Variants in CACNB2 observed in about 807,000 individuals in gnomAD.
CACNB2 encodes the protein calcium voltage-gated channel auxiliary subunit beta 2, also known as voltage-dependent L-type calcium channel subunit beta-2.
CACNB2 carries 42 observed loss-of-function variants against 73.3 expected under a neutral mutation model. That is an observed-to-expected ratio of 0.57 (90% CI 0.45 to 0.74). CACNB2 has a LOEUF of 0.74. CACNB2 is among the 30% of genes least tolerant of loss of function. The probability of loss-of-function intolerance (pLI) is 0.00; values close to 1 mark genes in which losing one functional copy is unlikely to be tolerated. For synonymous variants in CACNB2, 348 were observed against 310.3 expected, an observed-to-expected ratio of 1.12 and a Z score of -1.28; for missense variants, 940 against 853.0, an observed-to-expected ratio of 1.10 and a Z score of -1.27.
chr10:18,518,800 C>G (rs2051534066), intron 8 of CACNB2, 110 bp from the exon 9 acceptor site: 1 of 989,148 alleles, frequency 1.0e-6, no homozygotes, highest in Non-Finnish European at 1.6e-6. Flanking sequence ...GCCACTCTTT[C>G]CAGATGCAAA....
At chr10:18,310,039 G>A (rs935953268) in intron 2 of CACNB2, among the ~76,000 whole-genome samples, 4 of 152,124 alleles carry the variant, frequency 2.6e-5, no homozygotes, top group Admixed American at 6.6e-5. Flanking sequence ...TGGCAGTGCT[G>A]CTGTTTCTAA....
intron 2 of CACNB2, among the ~76,000 whole-genome samples, chr10:18,243,934 G>C (rs2036762603): frequency 6.6e-6 from 1 of 152,156 alleles, no homozygotes; most frequent in Non-Finnish European, 1.5e-5. Context: ...CGAGAGCTTT[G>C]GTATCTGAGA....
At chr10:18,477,805 A>G (rs969384006) in intron 3 of CACNB2, among the ~76,000 whole-genome samples, 2 of 152,246 alleles carry the variant, frequency 1.3e-5, no homozygotes, top group Non-Finnish European at 2.9e-5. Flanking sequence ...ATGGACACAG[A>G]GTAGGAAGTA....
intron 2 of CACNB2, among the ~76,000 whole-genome samples, chr10:18,231,095 T>C (rs573715550): frequency 1.3e-5 from 2 of 152,346 alleles, no homozygotes; most frequent in East Asian, 3.9e-4. Flanking sequence ...ATGGTCCACA[T>C]GCAAACTAAA....
At chr10:18,220,772 G>A (rs1036779600) in intron 2 of CACNB2, among the ~76,000 whole-genome samples, 22 of 152,100 alleles carry the variant, frequency 1.4e-4, no homozygotes, top group African/African-American at 5.1e-4. Context: ...TGAACTGCAC[G>A]TGTCAGGGAT....
intron 3 of CACNB2, among the ~76,000 whole-genome samples, chr10:18,491,880 A>G (rs1264074085): frequency 1.3e-5 from 2 of 151,742 alleles, no homozygotes; most frequent in Non-Finnish European, 2.9e-5. Flanking sequence ...AAAGAAAATC[A>G]GAATGAAAGA....
intron 7 of CACNB2, among the ~76,000 whole-genome samples, chr10:18,515,406 G>A (rs1027699091): frequency 2.6e-5 from 4 of 152,084 alleles, no homozygotes; most frequent in Admixed American, 1.3e-4. Context: ...GCCAAGTCTG[G>A]CAAAACCATG....
At chr10:18,140,969 C>T in intron 1 of CACNB2, 113 bp downstream of exon 1, 1 of 1,518,646 alleles carries the variant, frequency 6.6e-7, no homozygotes, top group Non-Finnish European at 8.8e-7. Flanking sequence ...ACCTCCTCCC[C>T]TCGTCGCCTG....
At position 18,539,398 on chromosome 10, in the gene CACNB2, G is replaced by C. The variant is rs746408298; in HGVS notation, c.1657G>C (p.Glu553Gln). Residue 553 changes from glutamate (E) to glutamine (Q), a missense_variant, in exon 14 of 14, where the codon GAG (glutamate) becomes CAG (glutamine). By Grantham distance (29) the Glu-to-Gln change is conservative. Transcript: ENST00000324631. ...SGTSRGLSRQ[E>Q]TFDSETQESR... is the part of the protein sequence containing the mutation. Reference sequence around the variant, plus strand: ...GACAAGTCGCGGCCTCTCCAGGCAAGAGACATTTGACTCGGAAACCCAGGA... The same window carrying C: ...GACAAGTCGCGGCCTCTCCAGGCAACAGACATTTGACTCGGAAACCCAGGA... 5.0e-6 allele frequency: 8 copies of C among 1,613,942 alleles called. No individual in the cohort carries two copies. The Admixed American group carries it at 1.2e-4, about 24-fold the overall frequency.
At chr10:18,477,663 G>T (rs2048506486) in intron 3 of CACNB2, among the ~76,000 whole-genome samples, 1 of 152,180 alleles carries the variant, frequency 6.6e-6, no homozygotes, top group Non-Finnish European at 1.5e-5. Context: ...TATTTAAAGG[G>T]GAAGAGTGGG....
At chr10:18,331,946 C>T (rs2040823870) in intron 2 of CACNB2, among the ~76,000 whole-genome samples, 1 of 152,078 alleles carries the variant, frequency 6.6e-6, no homozygotes, top group Non-Finnish European at 1.5e-5. Flanking sequence ...GCACTCTAAG[C>T]AGATGGAAGA....
chr10:18,528,025 C>G lies in CACNB2; in HGVS notation c.1054+328C>G, dbSNP rs143243802. Among the ~76,000 whole-genome samples, 822 of 152,240 alleles carry G rather than the reference C, an allele frequency of 5.4e-3. 7 individuals carry two copies. The highest frequency in any genetic ancestry group is 0.018 in the African/African-American group (766 of 41,522). On this transcript the variant is annotated intron_variant, in intron 10 of 13. Transcript: ENST00000324631. Reference sequence around the variant, plus strand: ...GAGCAAGTTTATTAACCTTTTGAAGCCTCCATTTCCTCATCCTAAAAAAGA... The same window carrying G: ...GAGCAAGTTTATTAACCTTTTGAAGGCTCCATTTCCTCATCCTAAAAAAGA...
chr10:18,340,930 C>T (rs1403837395), intron 2 of CACNB2: 1 of 1,614,132 alleles, frequency 6.2e-7, no homozygotes, highest in Non-Finnish European at 8.5e-7. Context: ...GTCTAGCATG[C>T]TTGACAGACG....
intron 2 of CACNB2, among the ~76,000 whole-genome samples, chr10:18,241,194 G>A (rs2036635936): frequency 1.3e-5 from 2 of 152,222 alleles, no homozygotes; most frequent in South Asian, 2.1e-4. Context: ...ACCAAGCTGT[G>A]CCCTGACCCC....
At chr10:18,314,539 A>G (rs1402184816) in intron 2 of CACNB2, among the ~76,000 whole-genome samples, 1 of 151,986 alleles carries the variant, frequency 6.6e-6, no homozygotes, top group Non-Finnish European at 1.5e-5. Context: ...AAACATATTC[A>G]GACAATTGAA....
chr10:18,218,165 T>C (rs2035587625), intron 2 of CACNB2, among the ~76,000 whole-genome samples: 1 of 152,160 alleles, frequency 6.6e-6, no homozygotes, highest in African/African-American at 2.4e-5. Context: ...TTAATAGAAA[T>C]ATTTCTTGTT....
chr10:18,441,963 C>G (rs897349595), intron 3 of CACNB2, among the ~76,000 whole-genome samples: 1 of 152,322 alleles, frequency 6.6e-6, no homozygotes, highest in South Asian at 2.1e-4. Context: ...TATACATATA[C>G]AGTTAAGGTA....
At chr10:18,450,022 C>G (rs537454438) in intron 3 of CACNB2, among the ~76,000 whole-genome samples, 10 of 152,330 alleles carry the variant, frequency 6.6e-5, no homozygotes, top group African/African-American at 2.2e-4. Flanking sequence ...CTTCATCAGG[C>G]TCAATGGCAA....
At chr10:18,150,718 G>A (rs1213589357) in intron 1 of CACNB2, among the ~76,000 whole-genome samples, 165 bp from the exon 2 acceptor site, 4 of 152,130 alleles carry the variant, frequency 2.6e-5, no homozygotes, top group African/African-American at 4.8e-5. Flanking sequence ...ATTGGAAATG[G>A]ATTTGTAGAG....
Sources: gnomAD v4.1 joint callset for allele counts (sites outside exome capture counted in the v4.1 genomes callset) on GRCh38, gnomAD v4.1.1 for gene constraint, MANE v1.5 for transcripts, NCBI Gene and HGNC (gene_info 2026-07-23, HGNC 2026-07-21) for gene names.